Variants in MND1 observed in about 807,000 individuals in gnomAD.
The protein encoded by MND1 is meiotic nuclear division protein 1 homolog.
In MND1, 28 loss-of-function variants were observed where a neutral mutation model predicts 35.1. That is an observed-to-expected ratio of 0.80 (90% CI 0.59 to 1.09). MND1 has a LOEUF of 1.09. Among genes scored for constraint, MND1 ranks in the 50% least tolerant of loss-of-function variants. MND1 has a pLI of 0.00. For synonymous variants in MND1, 69 were observed against 70.5 expected (o/e 0.98, Z 0.11); for missense variants, 213 against 239.6 (o/e 0.89, Z 0.73).
intron 4 of MND1, among the ~76,000 whole-genome samples, chr4:153,359,121 A>T (rs1040435991): frequency 6.6e-6 from 1 of 152,242 alleles, no homozygotes; most frequent in Non-Finnish European, 1.5e-5. Flanking sequence ...CAAATGCATG[A>T]TGACGTGTAT....
chr4:153,404,584 C>T (rs1405813992), intron 6 of MND1, among the ~76,000 whole-genome samples: 2 of 151,704 alleles, frequency 1.3e-5, no homozygotes, highest in African/African-American at 4.8e-5. Flanking sequence ...AAGCAATTCT[C>T]CTGCGTCAGC....
chr4:153,348,451 T>C (rs1773127461), intron 1 of MND1, among the ~76,000 whole-genome samples: 1 of 152,158 alleles, frequency 6.6e-6, no homozygotes, highest in Non-Finnish European at 1.5e-5. Flanking sequence ...GCATAAGTGT[T>C]AATTAAAACC....
Position 153,377,355 on chromosome 4 carries a change from A to C in MND1, c.277-16907A>C, listed in dbSNP as rs191842508. Among the ~76,000 whole-genome samples the C allele has an allele frequency of 7.2e-5, 11 of 152,350 alleles. No homozygotes were observed. In the East Asian group the frequency reaches 2.1e-3, roughly 29 times the overall value. The stretch of plus-strand genomic sequence containing the variant: ...GTTCTTTATAGCTAAAACTGAGTGC[A>C]TCAAGAGTAGGTTAATTATTGGGCT... On this transcript the variant is annotated intron_variant, in intron 4 of 7. Transcript: ENST00000240488.
chr4:153,345,148 C>G (rs573635627), intron 1 of MND1, among the ~76,000 whole-genome samples: 2 of 149,574 alleles, frequency 1.3e-5, no homozygotes, highest in African/African-American at 2.5e-5. Flanking sequence ...CCAGCTTCGG[C>G]CCCGCGTGGT....
intron 4 of MND1, among the ~76,000 whole-genome samples, chr4:153,388,962 G>A (rs1728945765): frequency 6.6e-6 from 1 of 152,224 alleles, no homozygotes; most frequent in South Asian, 2.1e-4. Flanking sequence ...CTTTCCCAGT[G>A]TGGCTGAATC....
chr4:153,369,869 T>C lies in MND1; in HGVS notation c.276+11247T>C, dbSNP rs189150030. 1.2e-4 allele frequency among the ~76,000 whole-genome samples: 18 copies of C among 152,254 alleles called. No homozygotes were observed. The South Asian group carries it at 3.5e-3, about 30-fold the overall frequency. On this transcript the variant is annotated intron_variant, in intron 4 of 7. Transcript: ENST00000240488. ...GTCCTCTCAAACCCTGCCTCTACTT[T>C]GTCAATTAAGTTTCAGGAATATTCT... is the stretch of plus-strand genomic sequence containing the variant.
intron 1 of MND1, among the ~76,000 whole-genome samples, chr4:153,347,355 G>A (rs933125456): frequency 7.2e-5 from 11 of 152,158 alleles, no homozygotes; most frequent in Admixed American, 3.9e-4. Context: ...GTCTCTTCAA[G>A]CCAGGCAATA....
chr4:153,398,045 G>C (rs1014517804), intron 6 of MND1, among the ~76,000 whole-genome samples: 1 of 152,122 alleles, frequency 6.6e-6, no homozygotes, highest in Non-Finnish European at 1.5e-5. Context: ...AAGTAGAAGA[G>C]TTTGCAAGTT....
At chr4:153,374,130 T>C (rs559574641) in intron 4 of MND1, among the ~76,000 whole-genome samples, 3 of 152,266 alleles carry the variant, frequency 2.0e-5, no homozygotes, top group East Asian at 3.9e-4. Flanking sequence ...GCGGTTGTAG[T>C]GAGGATTAAG....
chr4:153,414,922 C>A lies in MND1; in HGVS notation c.*65C>A. 3.0e-6 allele frequency: 2 copies of A among 660,492 alleles called. No homozygotes were observed. Among genetic ancestry groups the A allele is most frequent in the Admixed American group, 2.9e-5 (1 of 34,802 alleles). The allele number at this position is 660,492 out of a possible 1,614,324, so 40.9% of individuals were successfully genotyped here. On this transcript the variant is annotated 3_prime_UTR_variant, in exon 8 of 8. Transcript: ENST00000240488. ...ATGTAAATTTTAAACTATTATCTAA[C>A]TAAGTGTACTGAATTGTCGTTTGCC...
intron 7 of MND1, among the ~76,000 whole-genome samples, chr4:153,411,863 A>AT (rs1187275319): frequency 6.6e-6 from 1 of 151,932 alleles, no homozygotes; most frequent in East Asian, 1.9e-4. Flanking sequence ...GTAATAAATT[A>AT]TTTTTTTTCA....
In MND1 at chr4:153,408,912, G is replaced by GTGTATATA. The variant is rs936713652; in HGVS notation, c.467-58_467-57insGTATATAT. The GTGTATATA allele has an allele frequency of 9.9e-4, 316 of 318,404 alleles. 1 individual carries two copies. The highest frequency in any genetic ancestry group is 7.2e-3 in the East Asian group (86 of 11,964). 19.7% of individuals were successfully genotyped at this position (318,404 alleles called of 1,614,324 possible). The stretch of plus-strand genomic sequence containing the variant: ...TACATAGCTAAAGATCATTTTGTGT[G>GTGTATATA]TATATATATATATATATATATAAAT... On this transcript the variant is annotated intron_variant, in intron 6 of 7. Transcript: ENST00000240488.
chr4:153,372,880 TGAATGCATA>T (rs1318879481), intron 4 of MND1, among the ~76,000 whole-genome samples: 1 of 152,240 alleles, frequency 6.6e-6, no homozygotes, highest in Non-Finnish European at 1.5e-5. Context: ...GCTCTTTTAT[TGAATGCATA>T]GACATTAAGG....
chr4:153,407,990 T>C (rs10027004), intron 6 of MND1, among the ~76,000 whole-genome samples: 30,527 of 152,068 alleles, frequency 0.2, 3,245 homozygotes, highest in East Asian at 0.27. Flanking sequence ...TAAAAACCAC[T>C]GAAAGCCAGG....
In MND1 at chr4:153,409,028, A is replaced by G. The variant is rs760575348; in HGVS notation, c.511+13A>G. On this transcript the variant is annotated intron_variant, in intron 7 of 7. Transcript: ENST00000240488. ...AACAGATGGACTGGTATGTACTATA[A>G]TAATGCTGATAAACTATAGCTAAAT... is the stretch of plus-strand genomic sequence containing the variant. 3.0e-6 allele frequency: 4 copies of G among 1,352,378 alleles called. No individual in the cohort carries two copies. In the Admixed American group the frequency reaches 8.1e-5, roughly 27 times the overall value. 83.8% of individuals were successfully genotyped at this position (1,352,378 alleles called of 1,614,324 possible).
chr4:153,363,106 C>A, intron 4 of MND1: 2 of 658,782 alleles, frequency 3.0e-6, no homozygotes, highest in Non-Finnish European at 3.8e-6. Flanking sequence ...CTCCTTGTCT[C>A]ATGACCCTTC....
At chr4:153,410,227 T>C (rs893949300) in intron 7 of MND1, among the ~76,000 whole-genome samples, 3 of 152,180 alleles carry the variant, frequency 2.0e-5, no homozygotes, top group African/African-American at 4.8e-5. Context: ...AAAAAGTTCA[T>C]GTTTTCCAAT....
chr4:153,374,821 G>A (rs62324666), intron 4 of MND1, among the ~76,000 whole-genome samples: 3,603 of 151,994 alleles, frequency 0.024, 59 homozygotes, highest in African/African-American at 0.046. Flanking sequence ...TATAATTAAC[G>A]TTTCTCTTTA....
intron 4 of MND1, among the ~76,000 whole-genome samples, chr4:153,369,016 CAAA>C: frequency 6.6e-6 from 1 of 152,324 alleles, no homozygotes; most frequent in Non-Finnish European, 1.5e-5. Flanking sequence ...GAGGTATAGT[CAAA>C]CTGTTGGCCA....
Sources: allele counts gnomAD v4.1 joint callset (sites outside exome capture counted in the v4.1 genomes callset), GRCh38; gene constraint gnomAD v4.1.1; transcripts MANE v1.5; gene names NCBI Gene and HGNC (gene_info 2026-07-23, HGNC 2026-07-21).